GLS: variants seen among roughly 807,000 people sequenced by gnomAD.
The protein encoded by GLS is glutaminase.
GLS carries 36 observed loss-of-function variants against 86.7 expected under a neutral mutation model. That is an observed-to-expected ratio of 0.42 (90% CI 0.32 to 0.55). The LOEUF is 0.55. Ranked by LOEUF, GLS falls within the 20% of genes least tolerant of loss-of-function variation. GLS has a pLI of 0.17. For missense variants in GLS, 528 were observed against 833.4 expected (o/e 0.63, Z 4.51); for synonymous variants, 317 against 305.9 (o/e 1.04, Z -0.38).
chr2:190,895,551 CAT>C lies in GLS; in HGVS notation c.484-49_484-48del. 7.9e-7 allele frequency: 1 copy of C among 1,267,132 alleles called. No homozygotes were observed. The highest frequency in any genetic ancestry group is 1.1e-6 in the Non-Finnish European group (1 of 886,780). The allele number at this position is 1,267,132 out of a possible 1,614,324, so 78.5% of individuals were successfully genotyped here. A position where few individuals can be genotyped will look rare whatever the true frequency, so the allele number is the denominator to read the frequency against. ...AATAAAATCTTATAGTTGGTATAAG[CAT>C]ATACATTATTTGCACTATATATTTA... On this transcript the variant is annotated intron_variant, in intron 2 of 17. Transcript: ENST00000320717. The surrounding 1 kb of genome is among the most constrained non-coding windows in gnomAD (Gnocchi z 4.2).
At chr2:190,886,028 C>A (rs1044961864) in intron 1 of GLS, among the ~76,000 whole-genome samples, 1 of 151,972 alleles carries the variant, frequency 6.6e-6, no homozygotes, top group Non-Finnish European at 1.5e-5. Flanking sequence ...CACGTGCCAC[C>A]ACACCTGGCT....
At position 190,913,198 on chromosome 2, in the gene GLS, G is replaced by C; in HGVS notation, c.1038+2877G>C. ...TTGATATTTTTTCCTTGTAGGATTG[G>C]TGGTGATCCTCAGGAAATGGGGGAA... On this transcript the variant is annotated intron_variant, in intron 7 of 17. Coordinates refer to ENST00000320717, the MANE Select transcript of GLS (RefSeq NM_014905.5). The surrounding 1 kb of genome is among the most constrained non-coding windows in gnomAD (Gnocchi z 6.1). 7.7e-7 allele frequency: 1 copy of C among 1,296,570 alleles called. No homozygotes were observed. The highest frequency in any genetic ancestry group is 1.0e-6 in the Non-Finnish European group (1 of 982,066). The allele number at this position is 1,296,570 out of a possible 1,614,324, so 80.3% of individuals were successfully genotyped here.
At chr2:190,918,197 A>G (rs775539169) in intron 7 of GLS, among the ~76,000 whole-genome samples, 2 of 152,208 alleles carry the variant, frequency 1.3e-5, no homozygotes, top group African/African-American at 2.4e-5. Flanking sequence ...CATAGATGTC[A>G]TCTTTCAATA....
At chr2:190,912,194 G>A (rs1403029676) in intron 7 of GLS, among the ~76,000 whole-genome samples, 1 of 151,986 alleles carries the variant, frequency 6.6e-6, no homozygotes, top group African/African-American at 2.4e-5. Flanking sequence ...AAATTTAATT[G>A]AGTCATCTTG....
intron 3 of GLS, chr2:190,896,397 T>C (rs1014891995): frequency 3.3e-5 from 5 of 152,222 alleles, no homozygotes; most frequent in African/African-American, 9.6e-5. Context: ...GTGTAATGGA[T>C]CCCAAAGAAT....
chr2:190,907,098 G>A (rs568065373), intron 6 of GLS, among the ~76,000 whole-genome samples: 56 of 151,798 alleles, frequency 3.7e-4, no homozygotes, highest in African/African-American at 1.3e-3. Context: ...CTAATTTTTT[G>A]TATTTTTAGT....
At chr2:190,896,234 A>T (rs2124826651) in intron 3 of GLS, 1 of 152,338 alleles carries the variant, frequency 6.6e-6, no homozygotes, top group South Asian at 2.1e-4. Context: ...TCTTCAAAAC[A>T]GTAAAGAACT....
At chr2:190,932,678 G>A (rs186026275) in intron 14 of GLS, 1 of 1,487,296 alleles carries the variant, frequency 6.7e-7, no homozygotes, top group Non-Finnish European at 9.0e-7. Flanking sequence ...CTTCACTCAA[G>A]TGCACTAATA....
Position 190,959,096 on chromosome 2 carries a change from G to A in GLS, c.1854-3734G>A, listed in dbSNP as rs1690933437. ...TCTAAGAACTTGCTTTATGAATCTG[G>A]GTGCTCCTGTATTGGGTGCATATAT... is the stretch of plus-strand genomic sequence containing the variant. On this transcript the variant is annotated intron_variant, in intron 17 of 17. Coordinates refer to ENST00000320717, the MANE Select transcript of GLS (RefSeq NM_014905.5). Among the ~76,000 whole-genome samples, 4 of 152,122 alleles carry A rather than the reference G, an allele frequency of 2.6e-5. No homozygotes were observed. The South Asian group carries it at 8.3e-4, about 32-fold the overall frequency.
intron 1 of GLS, among the ~76,000 whole-genome samples, chr2:190,888,730 G>A (rs1688468876): frequency 1.3e-5 from 2 of 152,160 alleles, no homozygotes; most frequent in Non-Finnish European, 2.9e-5. Flanking sequence ...CTCATGCCTT[G>A]ATTGGTTCTG....
At chr2:190,941,714 A>G (rs562160145) in intron 14 of GLS, among the ~76,000 whole-genome samples, 11 of 73,562 alleles carry the variant, frequency 1.5e-4, no homozygotes, top group Non-Finnish European at 1.4e-4. Context: ...GGAGTTTAGC[A>G]CATTTGAGAA....
At position 190,953,952 on chromosome 2, in the gene GLS, G is replaced by A. The variant is rs1385227647; in HGVS notation, c.1712+326G>A. Among the ~76,000 whole-genome samples, 15 of 13,754 alleles carry A rather than the reference G, an allele frequency of 1.1e-3. No homozygotes were observed. Among genetic ancestry groups the A allele is most frequent in the African/African-American group, 2.2e-3 (14 of 6,428 alleles). 9.0% of individuals were successfully genotyped at this position (13,754 alleles called of 152,430 possible). A position where few individuals can be genotyped will look rare whatever the true frequency, so the allele number is the denominator to read the frequency against. ...ACCCTCCATTCCCAATCTTTGATAT[G>A]TGTGTGTGTGTGTGTGTGTGTGTGT... is the stretch of plus-strand genomic sequence containing the variant. On this transcript the variant is annotated intron_variant, in intron 15 of 17. Transcript: ENST00000320717. The surrounding 1 kb of genome is among the most constrained non-coding windows in gnomAD (Gnocchi z 4.0).
intron 1 of GLS, chr2:190,881,783 C>T (rs1237062946): frequency 3.0e-5 from 8 of 267,952 alleles, no homozygotes; most frequent in Non-Finnish European, 5.7e-5. Flanking sequence ...CCCCTGCCCG[C>T]GCTGCGTGCT....
Position 190,921,810 on chromosome 2 carries a change from G to A in GLS, c.1130+607G>A, listed in dbSNP as rs1055029537. 2.8e-4 allele frequency among the ~76,000 whole-genome samples: 43 copies of A among 151,900 alleles called. No individual in the cohort carries two copies. Among genetic ancestry groups the A allele is most frequent in the Admixed American group, 2.6e-3 (39 of 15,238 alleles). ...CATTAACACATGTAAGAACGTTAAC[G>A]TTAATTTTAAAATATCATGACATTA... On this transcript the variant is annotated intron_variant, in intron 9 of 17. Coordinates refer to ENST00000320717, the MANE Select transcript of GLS (RefSeq NM_014905.5). This position sits in a 1 kb window ranked among gnomAD's most constrained non-coding sequence, Gnocchi z 4.2.
At position 190,962,796 on chromosome 2, in the gene GLS, T is replaced by C. The variant is rs765511657; in HGVS notation, c.1854-34T>C. On this transcript the variant is annotated intron_variant, in intron 17 of 17. Coordinates refer to ENST00000320717, the MANE Select transcript of GLS (RefSeq NM_014905.5). This position sits in a 1 kb window ranked among gnomAD's most constrained non-coding sequence, Gnocchi z 4.2. The stretch of plus-strand genomic sequence containing the variant: ...TGATCATCTTTGTACATAAATTACC[T>C]AATGACCCTGTCCATGCTGTGCTAC... The C allele has an allele frequency of 4.5e-6, 6 of 1,346,458 alleles. No individual in the cohort carries two copies. Among genetic ancestry groups the C allele is most frequent in the Non-Finnish European group, 5.8e-6 (6 of 1,029,930 alleles). The allele number at this position is 1,346,458 out of a possible 1,614,324, so 83.4% of individuals were successfully genotyped here.
In GLS at chr2:190,920,726, A is replaced by G. The variant is rs1323316468; in HGVS notation, c.1039-298A>G. Among the ~76,000 whole-genome samples the G allele has an allele frequency of 1.3e-5, 2 of 151,790 alleles. No individual in the cohort carries two copies. Among genetic ancestry groups the G allele is most frequent in the African/African-American group, 4.8e-5 (2 of 41,416 alleles). ...ACATTTTAGCAAATTATGTGCTGTC[A>G]TGAAAGATAAGGGAATTCATGGTAA... On this transcript the variant is annotated intron_variant, in intron 7 of 17. Coordinates refer to ENST00000320717, the MANE Select transcript of GLS (RefSeq NM_014905.5). The surrounding 1 kb of genome is among the most constrained non-coding windows in gnomAD (Gnocchi z 4.2).
intron 1 of GLS, among the ~76,000 whole-genome samples, chr2:190,883,428 A>G (rs1688274387): frequency 6.6e-6 from 1 of 152,220 alleles, no homozygotes; most frequent in Non-Finnish European, 1.5e-5. Context: ...TCCACCTGGT[A>G]TGCTAGCACT....
In GLS at chr2:190,947,694, G is replaced by A. The variant is rs544692197; in HGVS notation, c.1651-5871G>A. Among the ~76,000 whole-genome samples the A allele has an allele frequency of 4.4e-4, 67 of 152,226 alleles. No homozygotes were observed. The highest frequency in any genetic ancestry group is 1.5e-3 in the African/African-American group (63 of 41,544). Reference sequence around the variant, plus strand: ...GTTAACCCATTATTTTCTGGACTTTGGCCTCCTTGACAGGTATTTTAAAAT... The same window carrying A: ...GTTAACCCATTATTTTCTGGACTTTAGCCTCCTTGACAGGTATTTTAAAAT... On this transcript the variant is annotated intron_variant, in intron 14 of 17. Coordinates refer to ENST00000320717, the MANE Select transcript of GLS (RefSeq NM_014905.5). This position sits in a 1 kb window ranked among gnomAD's most constrained non-coding sequence, Gnocchi z 5.0.
At position 190,954,666 on chromosome 2, in the gene GLS, A is replaced by T. The variant is rs1234006779; in HGVS notation, c.1789+6A>T. On this transcript the variant is annotated splice_donor_region_variant and intron_variant, in intron 16 of 17. Transcript: ENST00000320717. This position sits in a 1 kb window ranked among gnomAD's most constrained non-coding sequence, Gnocchi z 4.0. ...CCATGTAGCTGCTGCAGAGGGTAAT[A>T]CAGGAACTACTCCTATCTATTTTCT... 1 of 1,608,198 alleles carries T rather than the reference A, an allele frequency of 6.2e-7. No homozygotes were observed. Among genetic ancestry groups the T allele is most frequent in the East Asian group, 2.2e-5 (1 of 44,830 alleles).
Sources: gnomAD v4.1 joint callset for allele counts (sites outside exome capture counted in the v4.1 genomes callset) on GRCh38, gnomAD v4.1.1 for gene constraint, Gnocchi (gnomAD v3.1) non-coding constraint, MANE v1.5 for transcripts, NCBI Gene and HGNC (gene_info 2026-07-23, HGNC 2026-07-21) for gene names.